APBB1IP: variants seen among roughly 807,000 people sequenced by gnomAD.
APBB1IP encodes the protein amyloid beta precursor protein binding family B member 1 interacting protein.
APBB1IP carries 27 observed loss-of-function variants against 64.9 expected under a neutral mutation model. That is an observed-to-expected ratio of 0.42 (90% confidence interval 0.31 to 0.57). The LOEUF (loss-of-function observed/expected upper bound fraction) is 0.57. APBB1IP is among the 20% of genes least tolerant of loss of function. The pLI, the probability that APBB1IP is intolerant of heterozygous loss-of-function variation, is 0.20. For synonymous variants in APBB1IP, 392 were observed against 331.0 expected (o/e 1.18, Z -2.00); for missense variants, 812 against 845.5 (o/e 0.96, Z 0.49).
At chr10:26,488,410 A>G (rs1349375778) in intron 2 of APBB1IP, among the ~76,000 whole-genome samples, 1 of 151,906 alleles carries the variant, frequency 6.6e-6, no homozygotes, top group African/African-American at 2.4e-5. Flanking sequence ...TAATTTTTTA[A>G]TTTTTTGTAC....
chr10:26,506,670 T>C (rs1185654241), intron 6 of APBB1IP, among the ~76,000 whole-genome samples: 1 of 152,058 alleles, frequency 6.6e-6, no homozygotes, highest in Non-Finnish European at 1.5e-5. Context: ...ATTGCCCGTA[T>C]CCCCTCCCCA....
At chr10:26,465,756 T>C (rs1331480222) in intron 2 of APBB1IP, among the ~76,000 whole-genome samples, 1 of 152,234 alleles carries the variant, frequency 6.6e-6, no homozygotes, top group African/African-American at 2.4e-5. Flanking sequence ...ACCTATCTTC[T>C]CAGAGCCTTC....
intron 4 of APBB1IP, 125 bp downstream of exon 4, chr10:26,496,516 C>A: frequency 1.3e-6 from 1 of 754,626 alleles, no homozygotes; most frequent in Non-Finnish European, 2.1e-6. Flanking sequence ...TTGTTAAAAT[C>A]ATGGATTTCA....
At chr10:26,546,619 T>C (rs898547360) in intron 11 of APBB1IP, among the ~76,000 whole-genome samples, 1 of 152,182 alleles carries the variant, frequency 6.6e-6, no homozygotes, top group Non-Finnish European at 1.5e-5. Flanking sequence ...TGCAGTAGTG[T>C]ACCAGAACTT....
intron 14 of APBB1IP, 99 bp from the exon 15 acceptor site, chr10:26,566,862 G>A: frequency 7.4e-7 from 1 of 1,345,006 alleles, no homozygotes; most frequent in South Asian, 1.4e-5. Flanking sequence ...CACTCAGCCT[G>A]GGCGACAGAG....
At chr10:26,474,347 G>A (rs1835752912) in intron 2 of APBB1IP, among the ~76,000 whole-genome samples, 1 of 152,120 alleles carries the variant, frequency 6.6e-6, no homozygotes, top group South Asian at 2.1e-4. Flanking sequence ...TTCATTGCTT[G>A]GAATCTTTAG....
intron 2 of APBB1IP, among the ~76,000 whole-genome samples, chr10:26,451,295 C>T (rs1835462914): frequency 1.3e-5 from 2 of 152,110 alleles, no homozygotes; most frequent in Admixed American, 1.3e-4. Context: ...CACTATGTTG[C>T]CCAGGCTGGT....
chr10:26,449,534 G>C (rs1235556550), intron 2 of APBB1IP, among the ~76,000 whole-genome samples: 1 of 152,164 alleles, frequency 6.6e-6, no homozygotes, highest in Admixed American at 6.5e-5. Context: ...TTTGTTTTGT[G>C]TGTGTGTCTG....
At chr10:26,447,374 CAA>C (rs55948326) in intron 2 of APBB1IP, among the ~76,000 whole-genome samples, 4 of 55,018 alleles carry the variant, frequency 7.3e-5, no homozygotes, top group African/African-American at 1.5e-4. Flanking sequence ...GACTCCGTCT[CAA>C]AAAAAAAAAA....
At chr10:26,457,114 T>C (rs1835536020) in intron 2 of APBB1IP, among the ~76,000 whole-genome samples, 1 of 152,180 alleles carries the variant, frequency 6.6e-6, no homozygotes, top group African/African-American at 2.4e-5. Context: ...AGTCCTTGTG[T>C]CCAAGTGGCT....
chr10:26,550,485 A>G (rs1836817230), intron 11 of APBB1IP, among the ~76,000 whole-genome samples: 1 of 151,952 alleles, frequency 6.6e-6, no homozygotes, highest in Non-Finnish European at 1.5e-5. Context: ...TGTATTTTCA[A>G]ATAGCCTGCC....
intron 2 of APBB1IP, among the ~76,000 whole-genome samples, chr10:26,439,402 C>T (rs1306610717): frequency 6.6e-6 from 1 of 152,090 alleles, no homozygotes; most frequent in Non-Finnish European, 1.5e-5. Context: ...ATAACTTTTT[C>T]CCCCGAATAT....
chr10:26,548,433 A>G (rs1034371680), intron 11 of APBB1IP, among the ~76,000 whole-genome samples: 1 of 146,432 alleles, frequency 6.8e-6, no homozygotes, highest in African/African-American at 2.5e-5. Flanking sequence ...TCTGTAAATT[A>G]CTTTTGGTAG....
At chr10:26,550,880 C>T (rs1836822136) in intron 11 of APBB1IP, among the ~76,000 whole-genome samples, 1 of 152,074 alleles carries the variant, frequency 6.6e-6, no homozygotes, top group African/African-American at 2.4e-5. Flanking sequence ...TTTTAGTGGG[C>T]GTATGCAGAA....
chr10:26,514,548 T>A (rs78578355), intron 8 of APBB1IP, among the ~76,000 whole-genome samples: 1,761 of 152,312 alleles, frequency 0.012, 22 homozygotes, highest in African/African-American at 0.04. Context: ...ATGTCCAGGA[T>A]TTTTCCCAAC....
intron 2 of APBB1IP, among the ~76,000 whole-genome samples, chr10:26,477,529 C>T (rs1835789363): frequency 6.6e-6 from 1 of 152,142 alleles, no homozygotes; most frequent in Admixed American, 6.5e-5. Context: ...ATTCTTGCCA[C>T]CCACCATGGT....
At position 26,468,893 on chromosome 10, in the gene APBB1IP, G is replaced by A. The variant is rs541491499; in HGVS notation, c.1-23434G>A. On this transcript the variant is annotated intron_variant, in intron 2 of 14. Coordinates refer to ENST00000376236, the MANE Select transcript of APBB1IP (RefSeq NM_019043.4). ...TGTGGCTCCCAGTGGCAGGACAGTC[G>A]TGTCCCCACAGGCTTATGCACTGCT... 8.5e-5 allele frequency among the ~76,000 whole-genome samples: 13 copies of A among 152,246 alleles called. No homozygotes were observed. The East Asian group carries it at 2.5e-3, about 29-fold the overall frequency.
intron 11 of APBB1IP, among the ~76,000 whole-genome samples, chr10:26,557,094 G>A (rs1302344838): frequency 6.6e-6 from 1 of 152,128 alleles, no homozygotes; most frequent in Admixed American, 6.5e-5. Flanking sequence ...TTGCTATCGG[G>A]CCATATTACC....
At chr10:26,451,119 A>G (rs1835460973) in intron 2 of APBB1IP, among the ~76,000 whole-genome samples, 1 of 152,230 alleles carries the variant, frequency 6.6e-6, no homozygotes, top group African/African-American at 2.4e-5. Context: ...GAGCAATTAT[A>G]AGAAATGAAA....
Sources: allele counts gnomAD v4.1 joint callset (sites outside exome capture counted in the v4.1 genomes callset), GRCh38; gene constraint gnomAD v4.1.1; transcripts MANE v1.5; gene names NCBI Gene and HGNC (gene_info 2026-07-23, HGNC 2026-07-21).